COMMD10: variants seen among roughly 807,000 people sequenced by gnomAD.
COMMD10 encodes COMM domain containing 10.
In COMMD10, 33 loss-of-function variants were observed where a neutral mutation model predicts 28.9. The observed-to-expected ratio is 1.14, with a 90% confidence interval of 0.87 to 1.53. COMMD10 has a LOEUF of 1.53. Ranked by LOEUF, COMMD10 falls within the 40% of genes most tolerant of loss-of-function variation. COMMD10 has a pLI of 0.00. For synonymous variants in COMMD10, 110 were observed against 81.7 expected (o/e 1.35, Z -1.87); for missense variants, 310 against 233.4 (o/e 1.33, Z -2.14).
At chr5:116,238,867 A>G (rs964175632) in intron 5 of COMMD10, among the ~76,000 whole-genome samples, 4 of 152,206 alleles carry the variant, frequency 2.6e-5, no homozygotes, top group African/African-American at 4.8e-5. Context: ...ACAAATATGT[A>G]TCTGTTTAAT....
chr5:116,234,020 A>C (rs1749596927), intron 5 of COMMD10, among the ~76,000 whole-genome samples: 1 of 152,196 alleles, frequency 6.6e-6, no homozygotes, highest in Non-Finnish European at 1.5e-5. Context: ...GAAGATCTTC[A>C]GTCAGTGATG....
intron 5 of COMMD10, chr5:116,218,219 G>A: frequency 2.6e-6 from 2 of 761,174 alleles, no homozygotes; most frequent in South Asian, 2.7e-5. Flanking sequence ...GGACAACCTT[G>A]CAGATCTTCT....
chr5:116,185,728 C>T (rs1354553797), intron 5 of COMMD10, among the ~76,000 whole-genome samples: 1 of 152,096 alleles, frequency 6.6e-6, no homozygotes, highest in Non-Finnish European at 1.5e-5. Flanking sequence ...ATGTTTTGAG[C>T]CTTGATTACA....
chr5:116,230,751 T>C (rs1232057818), intron 5 of COMMD10, among the ~76,000 whole-genome samples: 1 of 152,108 alleles, frequency 6.6e-6, no homozygotes, highest in African/African-American at 2.4e-5. Flanking sequence ...TATCAAAAGC[T>C]GTGATATCCG....
At chr5:116,095,503 A>G (rs569099253) in intron 4 of COMMD10, among the ~76,000 whole-genome samples, 2 of 152,312 alleles carry the variant, frequency 1.3e-5, no homozygotes, top group Non-Finnish European at 2.9e-5. Flanking sequence ...TTGTAAGTCA[A>G]GGAGCATCTG....
At chr5:116,275,340 AT>A (rs1186378144) in intron 5 of COMMD10, among the ~76,000 whole-genome samples, 1 of 151,852 alleles carries the variant, frequency 6.6e-6, no homozygotes, top group Non-Finnish European at 1.5e-5. Context: ...TGGTGGGAAT[AT>A]CCCCCATCCT....
intron 4 of COMMD10, among the ~76,000 whole-genome samples, chr5:116,131,068 C>T (rs1276871314): frequency 1.3e-5 from 2 of 151,750 alleles, no homozygotes; most frequent in Non-Finnish European, 2.9e-5. Context: ...ACTGATTGGA[C>T]AGAACACTTA....
intron 5 of COMMD10, among the ~76,000 whole-genome samples, chr5:116,279,181 C>A (rs1750999525): frequency 6.6e-6 from 1 of 151,782 alleles, no homozygotes; most frequent in African/African-American, 2.4e-5. Flanking sequence ...TACTTCCGTA[C>A]TGCCTGGACA....
At chr5:116,256,533 A>G (rs1750290559) in intron 5 of COMMD10, among the ~76,000 whole-genome samples, 1 of 151,690 alleles carries the variant, frequency 6.6e-6, no homozygotes, top group Non-Finnish European at 1.5e-5. Context: ...GAAATCAAGG[A>G]TGGGCATTTT....
intron 5 of COMMD10, among the ~76,000 whole-genome samples, chr5:116,279,985 C>T (rs1017962877): frequency 2.0e-5 from 3 of 151,796 alleles, no homozygotes; most frequent in African/African-American, 7.3e-5. Context: ...TATGTATTAT[C>T]TTGATATACA....
At chr5:116,291,426 CTT>C in intron 5 of COMMD10, 89 bp from the exon 6 acceptor site, 2 of 882,882 alleles carry the variant, frequency 2.3e-6, no homozygotes, top group South Asian at 3.0e-5. Flanking sequence ...AGAGGACAAT[CTT>C]ATGTCATATT....
intron 5 of COMMD10, among the ~76,000 whole-genome samples, chr5:116,199,864 AG>A (rs1748618827): frequency 6.6e-6 from 1 of 152,184 alleles, no homozygotes; most frequent in Non-Finnish European, 1.5e-5. Flanking sequence ...ACAGGTATGT[AG>A]CACCATGCCT....
chr5:116,278,016 A>C (rs1452357431), intron 5 of COMMD10, among the ~76,000 whole-genome samples: 5 of 151,932 alleles, frequency 3.3e-5, no homozygotes, highest in Admixed American at 6.6e-5. Flanking sequence ...GAAACAATAG[A>C]ATTTCAATTT....
chr5:116,279,520 C>A (rs1023654018), intron 5 of COMMD10, among the ~76,000 whole-genome samples: 2 of 151,712 alleles, frequency 1.3e-5, no homozygotes, highest in Admixed American at 6.6e-5. Flanking sequence ...TTGGAAACTG[C>A]TGGACTGCAT....
At chr5:116,226,154 G>A (rs1369338934) in intron 5 of COMMD10, among the ~76,000 whole-genome samples, 2 of 151,740 alleles carry the variant, frequency 1.3e-5, no homozygotes, top group African/African-American at 4.8e-5. Flanking sequence ...CCTTATGTCT[G>A]CATTTGAAAG....
At chr5:116,214,063 C>CA (rs1339804088) in intron 5 of COMMD10, among the ~76,000 whole-genome samples, 2 of 152,062 alleles carry the variant, frequency 1.3e-5, no homozygotes, top group African/African-American at 4.8e-5. Context: ...GTAGCCTAAA[C>CA]AATGGTTGAT....
At chr5:116,112,687 A>G (rs72804820) in intron 4 of COMMD10, among the ~76,000 whole-genome samples, 8,146 of 152,244 alleles carry the variant, frequency 0.054, 303 homozygotes, top group East Asian at 0.15. Context: ...AGCCACCGCT[A>G]TATGGCCTAT....
chr5:116,101,479 T>C (rs1180602929), intron 4 of COMMD10, among the ~76,000 whole-genome samples: 3 of 152,154 alleles, frequency 2.0e-5, no homozygotes, highest in African/African-American at 7.2e-5. Flanking sequence ...CAGGCTGGAT[T>C]GCAATGGTGT....
At chr5:116,128,573 A>G (rs920149220) in intron 4 of COMMD10, among the ~76,000 whole-genome samples, 1 of 151,992 alleles carries the variant, frequency 6.6e-6, no homozygotes, top group East Asian at 1.9e-4. Context: ...TTTCACATGT[A>G]ACTAAAATAT....
Sources: gnomAD v4.1 joint callset for allele counts (sites outside exome capture counted in the v4.1 genomes callset) on GRCh38, gnomAD v4.1.1 for gene constraint, MANE v1.5 for transcripts, NCBI Gene and HGNC (gene_info 2026-07-23, HGNC 2026-07-21) for gene names.